FGD4: variants seen among roughly 807,000 people sequenced by gnomAD.
The protein encoded by FGD4 is FYVE, RhoGEF and PH domain-containing protein 4.
In FGD4, 42 loss-of-function variants were observed where a neutral mutation model predicts 102.0. That is an observed-to-expected ratio of 0.41 (90% confidence interval 0.32 to 0.53). The LOEUF (loss-of-function observed/expected upper bound fraction) is 0.53, where lower values mean the gene tolerates loss of function less well. Ranked by LOEUF, FGD4 falls within the 20% of genes least tolerant of loss-of-function variation. The pLI is 0.21. For synonymous variants in FGD4, 380 were observed against 375.7 expected, an observed-to-expected ratio of 1.01 and a Z score of -0.13; for missense variants, 902 against 1,078.2, an observed-to-expected ratio of 0.84 and a Z score of 2.29.
chr12:32,414,200 G>C (rs751639995), intron 1 of FGD4, among the ~76,000 whole-genome samples: 77 of 152,068 alleles, frequency 5.1e-4, no homozygotes, highest in Non-Finnish European at 2.1e-4. Context: ...TCAAATTCCT[G>C]ACCTCAGGTG....
chr12:32,502,103 C>T, intron 1 of FGD4: 1 of 985,416 alleles, frequency 1.0e-6, no homozygotes. Flanking sequence ...TACCAATCGC[C>T]TTAGGAGGGC....
rs63749871 is a variant in FGD4, at chr12:32,602,217, T to C, written c.1304T>C (p.Met435Thr). 6.2e-7 allele frequency: 1 copy of C among 1,614,056 alleles called. No homozygotes were observed. The change falls in exon 7 of 17, where the codon ATG (methionine) becomes ACG (threonine). Residue 435 changes from methionine to threonine, a missense_variant. This residue lies in a region of FGD4 where 459 missense variants were observed against 619.0 expected (regional missense o/e 0.74). Transcript: ENST00000534526. ...CAGAAATTGGCACCATTCCTTAAGA[T>C]GTATGGAGAATATGTGAAAGGATTT... is the stretch of plus-strand genomic sequence containing the variant. ...ILQKLAPFLK[M>T]YGEYVKGFDN...
intron 4 of FGD4, among the ~76,000 whole-genome samples, chr12:32,595,012 CAG>C (rs1347546590): frequency 7.1e-6 from 1 of 140,108 alleles, no homozygotes; most frequent in Non-Finnish European, 1.5e-5. Flanking sequence ...GCCTGGGTGA[CAG>C]AGCGAGACTC....
chr12:32,580,764 G>C (rs1364556891), intron 3 of FGD4, among the ~76,000 whole-genome samples: 3 of 151,944 alleles, frequency 2.0e-5, no homozygotes, highest in Non-Finnish European at 4.4e-5. Flanking sequence ...GCGGGCGCCT[G>C]TAGTCCCAGC....
chr12:32,489,336 T>C (rs1944014989), intron 1 of FGD4, among the ~76,000 whole-genome samples: 1 of 152,220 alleles, frequency 6.6e-6, no homozygotes, highest in Non-Finnish European at 1.5e-5. Flanking sequence ...TGCAGTTGCA[T>C]ATGGAGTTCA....
chr12:32,619,949 G>T, intron 11 of FGD4, 79 bp downstream of exon 11: 2 of 1,536,332 alleles, frequency 1.3e-6, no homozygotes, highest in East Asian at 4.5e-5. Context: ...GGCTCTGAGG[G>T]TTTTTCTCAA....
chr12:32,601,310 C>T lies in FGD4; in HGVS notation c.1134C>T (p.Asn378=), dbSNP rs1948408804. The T allele has an allele frequency of 2.5e-6, 4 of 1,614,094 alleles. No homozygotes were observed. The highest frequency in any genetic ancestry group is 3.3e-4 in the Middle Eastern group (2 of 6,062). The change falls in exon 6 of 17, where the codon AAC becomes AAT. Residue 378 remains asparagine, a synonymous_variant. Transcript: ENST00000534526. Reference sequence around the variant, plus strand: ...ATTGCAAACTGTTGGAAGAAGCAAACCGAGGCTCGTTTCCAGCAGAGATGG... The same window carrying T: ...ATTGCAAACTGTTGGAAGAAGCAAATCGAGGCTCGTTTCCAGCAGAGATGG... ...VFYCKLLEEA[N]RGSFPAEMVN... is the part of the protein sequence containing the mutation.
intron 10 of FGD4, among the ~76,000 whole-genome samples, chr12:32,616,337 G>A (rs1442520898): frequency 1.3e-5 from 2 of 152,224 alleles, no homozygotes; most frequent in African/African-American, 4.8e-5. Context: ...GTGGCAGTCA[G>A]TGACTGAGGA....
chr12:32,585,373 A>G (rs1946941106), intron 4 of FGD4, among the ~76,000 whole-genome samples: 1 of 151,588 alleles, frequency 6.6e-6, no homozygotes, highest in Non-Finnish European at 1.5e-5. Context: ...GAAAAATGTG[A>G]AAAAAATTGA....
intron 4 of FGD4, 26 bp downstream of exon 4, chr12:32,582,493 C>G (rs368532699): frequency 1.7e-4 from 265 of 1,604,722 alleles, no homozygotes; most frequent in Non-Finnish European, 2.1e-4. Flanking sequence ...AGCTCATGAG[C>G]AGGGAAAACC....
intron 2 of FGD4, among the ~76,000 whole-genome samples, chr12:32,565,160 G>C (rs1945081849): frequency 1.3e-5 from 2 of 152,128 alleles, no homozygotes; most frequent in African/African-American, 2.4e-5. Flanking sequence ...GTATTCTAGA[G>C]CATGCATTAT....
In FGD4 at chr12:32,567,645, T is replaced by C. The variant is rs75945967; in HGVS notation, c.319+3356T>C. On this transcript the variant is annotated intron_variant, in intron 2 of 16. Coordinates refer to ENST00000534526, the MANE Select transcript of FGD4 (RefSeq NM_001370298.3). ...ACGTAATTATATCTTTTTTTCCTTA[T>C]GTAGATTGCTAAGAAGATTATAGTC... is the stretch of plus-strand genomic sequence containing the variant. Among the ~76,000 whole-genome samples the C allele has an allele frequency of 7.5e-3, 1,134 of 151,850 alleles. 10 individuals are homozygous for C. Among genetic ancestry groups the C allele is most frequent in the African/African-American group, 0.026 (1,071 of 41,394 alleles).
chr12:32,628,488 C>A (rs1446836028), intron 14 of FGD4, among the ~76,000 whole-genome samples: 1 of 151,848 alleles, frequency 6.6e-6, no homozygotes, highest in African/African-American at 2.4e-5. Context: ...TGGGAGATGG[C>A]GACTGAACTA....
intron 1 of FGD4, among the ~76,000 whole-genome samples, chr12:32,434,947 T>C (rs566790300): frequency 8.0e-6 from 1 of 124,796 alleles, no homozygotes; most frequent in African/African-American, 3.4e-5. Context: ...TTTCCTTCTT[T>C]TCTTTTTTTT....
chr12:32,566,498 A>G (rs1187451038), intron 2 of FGD4, among the ~76,000 whole-genome samples: 4 of 152,136 alleles, frequency 2.6e-5, no homozygotes, highest in Non-Finnish European at 5.9e-5. Context: ...CACATAGTAC[A>G]TAACCAGTCT....
intron 1 of FGD4, among the ~76,000 whole-genome samples, chr12:32,557,278 G>A (rs1944197760): frequency 6.6e-6 from 1 of 152,176 alleles, no homozygotes; most frequent in African/African-American, 2.4e-5. Flanking sequence ...GCTGTTAACA[G>A]ACCAAAATAT....
intron 1 of FGD4, among the ~76,000 whole-genome samples, chr12:32,428,907 T>C (rs1296023867): frequency 1.3e-5 from 2 of 152,238 alleles, no homozygotes; most frequent in East Asian, 3.9e-4. Flanking sequence ...AAACTAGTTA[T>C]TCTAGTTAGC....
intron 1 of FGD4, among the ~76,000 whole-genome samples, chr12:32,507,532 A>C (rs1270049857): frequency 3.3e-5 from 5 of 152,188 alleles, no homozygotes; most frequent in Non-Finnish European, 7.3e-5. Flanking sequence ...AAATCATGTT[A>C]AGTGAGTGCT....
intron 1 of FGD4, among the ~76,000 whole-genome samples, chr12:32,530,960 T>G (rs1592129885): frequency 7.4e-6 from 1 of 134,856 alleles, no homozygotes; most frequent in South Asian, 2.5e-4. Context: ...TTTTTTTTTT[T>G]TTTTTTTTTT....
Sources: gnomAD v4.1 joint callset for allele counts (sites outside exome capture counted in the v4.1 genomes callset) on GRCh38, gnomAD v4.1.1 for gene constraint, gnomAD v4.1.1 regional missense constraint, MANE v1.5 for transcripts, NCBI Gene and HGNC (gene_info 2026-07-23, HGNC 2026-07-21) for gene names.